Variants in SYBU observed in about 807,000 individuals in gnomAD.
SYBU encodes syntabulin.
SYBU carries 21 observed loss-of-function variants against 35.9 expected under a neutral mutation model. The ratio of observed to expected loss-of-function variants is 0.58; its 90% confidence interval spans 0.41 to 0.84. The LOEUF is 0.84. SYBU is among the 40% of genes least tolerant of loss of function. The probability of loss-of-function intolerance (pLI) is 0.00; values close to 1 mark genes in which losing one functional copy is unlikely to be tolerated. For missense variants in SYBU, 768 were observed against 848.2 expected, an observed-to-expected ratio of 0.91 and a Z score of 1.17; for synonymous variants, 319 against 324.3, an observed-to-expected ratio of 0.98 and a Z score of 0.18.
At chr8:109,684,955 C>T (rs1211029397), upstream of SYBU, among the ~76,000 whole-genome samples, 3 of 152,072 alleles carry the variant, frequency 2.0e-5, no homozygotes, top group Non-Finnish European at 4.4e-5. Flanking sequence ...ATAAACAGAT[C>T]AAGAGAAAGA....
intron 4 of SYBU, chr8:109,580,269 C>G: frequency 2.3e-6 from 1 of 434,970 alleles, no homozygotes; most frequent in Non-Finnish European, 4.3e-6. Context: ...CACCCAATAG[C>G]CTGCTAAGAA....
At chr8:109,657,904 T>G (rs971352343) in intron 1 of SYBU, among the ~76,000 whole-genome samples, 7 of 152,244 alleles carry the variant, frequency 4.6e-5, no homozygotes, top group African/African-American at 1.7e-4. Flanking sequence ...ATCTTCTTTA[T>G]GGAGATGCTC....
At chr8:109,650,106 G>A (rs917400915) in intron 1 of SYBU, among the ~76,000 whole-genome samples, 16 of 152,168 alleles carry the variant, frequency 1.1e-4, no homozygotes, top group African/African-American at 3.9e-4. Context: ...GGCAGCTATA[G>A]AGAGAGGATG....
chr8:109,628,342 C>CTTT (rs111654259), intron 2 of SYBU, among the ~76,000 whole-genome samples: 7 of 141,810 alleles, frequency 4.9e-5, no homozygotes, highest in African/African-American at 1.6e-4. Flanking sequence ...AACCACATCT[C>CTTT]TTTTTTTTTT....
intron 3 of SYBU, 171 bp from the exon 4 acceptor site, chr8:109,586,333 G>T: frequency 1.7e-6 from 1 of 590,146 alleles, no homozygotes; most frequent in Admixed American, 3.0e-5. Context: ...TCAAGAGAAG[G>T]CCCAGTACAA....
chr8:109,615,178 G>C (rs1811598611), intron 3 of SYBU, among the ~76,000 whole-genome samples: 1 of 152,138 alleles, frequency 6.6e-6, no homozygotes, highest in Admixed American at 6.5e-5. Flanking sequence ...AAGAGTCCCT[G>C]AGCCTCCGTA....
At position 109,644,669 on chromosome 8, in the gene SYBU, G is replaced by A. The variant is rs2130670212; in HGVS notation, c.-10C>T. The A allele has an allele frequency of 6.6e-7, 1 of 1,517,738 alleles. No homozygotes were observed. The highest frequency in any genetic ancestry group is 8.8e-7 in the Non-Finnish European group (1 of 1,139,942). 94.0% of individuals were successfully genotyped at this position (1,517,738 alleles called of 1,614,324 possible). On this transcript the variant is annotated 5_prime_UTR_variant, in exon 1 of 7. Transcript: ENST00000276646. ...CGCGGAGGGGCCCCATCGCGCCGCT[G>A]CCCGCCGGCTCCTCGCGCCGCCGCT...
chr8:109,595,308 T>C (rs1824741738), intron 3 of SYBU, among the ~76,000 whole-genome samples: 1 of 152,202 alleles, frequency 6.6e-6, no homozygotes, highest in African/African-American at 2.4e-5. Context: ...TTTTAGATTA[T>C]AAGTCAGTGA....
intron 1 of SYBU, among the ~76,000 whole-genome samples, chr8:109,671,963 A>C (rs1159843904): frequency 1.3e-5 from 2 of 152,116 alleles, no homozygotes. Context: ...GTGCAATGGC[A>C]TGATCTCAGC....
chr8:109,643,791 C>T (rs1815220025), intron 1 of SYBU: 1 of 322,432 alleles, frequency 3.1e-6, no homozygotes, highest in Admixed American at 4.4e-5. Flanking sequence ...ATGAATGTCC[C>T]TATTTTCAGA....
intron 1 of SYBU, among the ~76,000 whole-genome samples, chr8:109,656,289 A>G (rs1211171329): frequency 6.6e-6 from 1 of 152,222 alleles, no homozygotes; most frequent in Admixed American, 6.5e-5. Context: ...TAAGTTTGTT[A>G]AAACCAATGT....
At chr8:109,631,599 C>G (rs1813634372) in intron 2 of SYBU, among the ~76,000 whole-genome samples, 1 of 152,118 alleles carries the variant, frequency 6.6e-6, no homozygotes, top group South Asian at 2.1e-4. Context: ...TTGATTTGCA[C>G]TAGCAGCCCC....
At chr8:109,658,513 T>G (rs1039217630) in intron 1 of SYBU, among the ~76,000 whole-genome samples, 1 of 152,212 alleles carries the variant, frequency 6.6e-6, no homozygotes, top group Admixed American at 6.5e-5. Context: ...AAATGATGAC[T>G]AAGACAAGGT....
chr8:109,663,270 T>C (rs1816635987), intron 1 of SYBU, among the ~76,000 whole-genome samples: 1 of 150,004 alleles, frequency 6.7e-6, no homozygotes, highest in African/African-American at 2.5e-5. Context: ...GATAGATAGA[T>C]AGATAGATAG....
At chr8:109,630,670 T>A (rs1258600772) in intron 2 of SYBU, among the ~76,000 whole-genome samples, 2 of 152,220 alleles carry the variant, frequency 1.3e-5, no homozygotes, top group Non-Finnish European at 2.9e-5. Flanking sequence ...TGGCACTCAT[T>A]TCTGAATTGG....
At chr8:109,676,431 C>G (rs1038904198) in intron 1 of SYBU, among the ~76,000 whole-genome samples, 1 of 152,188 alleles carries the variant, frequency 6.6e-6, no homozygotes, top group Non-Finnish European at 1.5e-5. Context: ...TAAGCAACTT[C>G]CTCAAAGTCT....
At chr8:109,655,203 T>C (rs1049535270) in intron 1 of SYBU, among the ~76,000 whole-genome samples, 8 of 152,186 alleles carry the variant, frequency 5.3e-5, no homozygotes, top group Non-Finnish European at 8.8e-5. Flanking sequence ...TCAACCTCCA[T>C]CTCCCAGCAC....
At chr8:109,607,392 A>G (rs1029095028) in intron 3 of SYBU, among the ~76,000 whole-genome samples, 4 of 152,218 alleles carry the variant, frequency 2.6e-5, no homozygotes, top group African/African-American at 9.6e-5. Context: ...AGACATGGGT[A>G]TTCCCTTTCC....
intron 3 of SYBU, among the ~76,000 whole-genome samples, chr8:109,605,545 G>A (rs539850889): frequency 6.6e-6 from 1 of 152,090 alleles, no homozygotes; most frequent in Admixed American, 6.5e-5. Context: ...GAAAACAGAA[G>A]GAAAGAAGAG....
Sources: allele counts gnomAD v4.1 joint callset (sites outside exome capture counted in the v4.1 genomes callset), GRCh38; gene constraint gnomAD v4.1.1; transcripts MANE v1.5; gene names NCBI Gene and HGNC (gene_info 2026-07-23, HGNC 2026-07-21).